BCAS3: variants seen among roughly 807,000 people sequenced by gnomAD.
BCAS3 encodes BCAS4/BCAS3 fusion.
BCAS3 carries 53 observed loss-of-function variants against 116.1 expected under a neutral mutation model. The observed-to-expected ratio is 0.46, with a 90% CI of 0.37 to 0.57. BCAS3 has a LOEUF of 0.57. Among genes scored for constraint, BCAS3 ranks in the 20% least tolerant of loss-of-function variants. The pLI is 0.00. For missense variants in BCAS3, 917 were observed against 1,165.4 expected, an observed-to-expected ratio of 0.79 and a Z score of 3.10; for synonymous variants, 391 against 408.2, an observed-to-expected ratio of 0.96 and a Z score of 0.51.
intron 6 of BCAS3, among the ~76,000 whole-genome samples, chr17:60,788,947 A>G (rs1223911088): frequency 6.6e-6 from 1 of 152,184 alleles, no homozygotes; most frequent in Non-Finnish European, 1.5e-5. Flanking sequence ...TTGAAAGCTC[A>G]CATTGAGTGA....
At chr17:61,331,254 G>A (rs548800493) in intron 22 of BCAS3, among the ~76,000 whole-genome samples, 1 of 152,282 alleles carries the variant, frequency 6.6e-6, no homozygotes, top group East Asian at 1.9e-4. Context: ...AGTTGCCAAA[G>A]GTTCCTGCTG....
chr17:61,010,344 G>C (rs1600444670), intron 15 of BCAS3, among the ~76,000 whole-genome samples: 1 of 151,912 alleles, frequency 6.6e-6, no homozygotes, highest in Non-Finnish European at 1.5e-5. Flanking sequence ...ATCACACCAT[G>C]TCATTCTCAT....
At chr17:61,110,901 C>T (rs942740948) in intron 22 of BCAS3, among the ~76,000 whole-genome samples, 14 of 152,314 alleles carry the variant, frequency 9.2e-5, no homozygotes, top group South Asian at 2.1e-4. Flanking sequence ...GATCTGAAAA[C>T]GGGCAGACTG....
rs1014267084 is a variant in BCAS3 at position 61,095,401 on chromosome 17, T to C, written c.2425+10837T>C. ...TTAAATTAGCTGATACATAATTGTA[T>C]TAAATGTTGATAGATATAGTACATA... On this transcript the variant is annotated intron_variant, in intron 22 of 23. Transcript: ENST00000407086. The surrounding 1 kb of genome is among the most constrained non-coding windows in gnomAD (Gnocchi z 4.7). Among the ~76,000 whole-genome samples, 3 of 152,232 alleles carry C rather than the reference T, an allele frequency of 2.0e-5. No homozygotes were observed. The highest frequency in any genetic ancestry group is 7.2e-5 in the African/African-American group (3 of 41,460).
intron 7 of BCAS3, among the ~76,000 whole-genome samples, chr17:60,853,950 T>C (rs544103900): frequency 1.9e-4 from 29 of 152,200 alleles, no homozygotes; most frequent in Non-Finnish European, 3.2e-4. Context: ...GTGCACAATG[T>C]GCAGGTTTGT....
At chr17:60,751,065 T>C (rs1461480437) in intron 6 of BCAS3, among the ~76,000 whole-genome samples, 1 of 152,182 alleles carries the variant, frequency 6.6e-6, no homozygotes, top group African/African-American at 2.4e-5. Context: ...GAATCCCCTT[T>C]CTAAAGGTAT....
At chr17:60,986,693 A>AT (rs1297934525) in intron 14 of BCAS3, among the ~76,000 whole-genome samples, 1 of 152,022 alleles carries the variant, frequency 6.6e-6, no homozygotes, top group African/African-American at 2.4e-5. Context: ...GGATTGTTAG[A>AT]TTTTTTCCTG....
At chr17:60,768,679 T>A (rs1020137973) in intron 6 of BCAS3, among the ~76,000 whole-genome samples, 4 of 152,180 alleles carry the variant, frequency 2.6e-5, no homozygotes, top group African/African-American at 9.7e-5. Context: ...CAGTTATTAG[T>A]GGAGGCTGTG....
intron 6 of BCAS3, among the ~76,000 whole-genome samples, chr17:60,783,709 A>T (rs1190771530): frequency 6.6e-6 from 1 of 152,192 alleles, no homozygotes; most frequent in Non-Finnish European, 1.5e-5. Flanking sequence ...TAGCTACATA[A>T]CAGTTTTCCC....
At chr17:61,342,041 C>T (rs1480470628) in intron 22 of BCAS3, among the ~76,000 whole-genome samples, 3 of 152,174 alleles carry the variant, frequency 2.0e-5, no homozygotes, top group African/African-American at 7.2e-5. Flanking sequence ...CTCAGTCTTT[C>T]GCCCAGGCTG....
chr17:60,788,353 G>A (rs1490454476), intron 6 of BCAS3, among the ~76,000 whole-genome samples: 1 of 152,132 alleles, frequency 6.6e-6, no homozygotes, highest in Non-Finnish European at 1.5e-5. Context: ...TGGAAGATTT[G>A]TGTTTGGTGC....
chr17:61,176,692 G>A (rs1333047375), intron 22 of BCAS3, among the ~76,000 whole-genome samples: 1 of 151,894 alleles, frequency 6.6e-6, no homozygotes, highest in Non-Finnish European at 1.5e-5. Flanking sequence ...CAAGTAGCTG[G>A]GACTACAGTC....
At chr17:60,999,632 G>A (rs538001566) in intron 15 of BCAS3, among the ~76,000 whole-genome samples, 4 of 151,866 alleles carry the variant, frequency 2.6e-5, no homozygotes, top group Admixed American at 6.6e-5. Flanking sequence ...TGGCTATTTG[G>A]GCTCTTTTTT....
rs2059567521 is a variant in BCAS3 at position 61,380,756 on chromosome 17, T to TCCTTCAC, written c.2594-11218_2594-11212dup. 6.6e-6 allele frequency among the ~76,000 whole-genome samples: 1 copy of TCCTTCAC among 152,114 alleles called. No individual in the cohort carries two copies. The highest frequency in any genetic ancestry group is 2.4e-5 in the African/African-American group (1 of 41,416). ...GGTTTGGGATGGGGAGTGGTTGTCA[T>TCCTTCAC]CCTTCACCCAACAAGAGTTTCTTTG... On this transcript the variant is annotated intron_variant, in intron 23 of 23. Transcript: ENST00000407086. This position sits in a 1 kb window ranked among gnomAD's most constrained non-coding sequence, Gnocchi z 4.2.
chr17:60,927,216 C>T (rs1044124454), intron 13 of BCAS3, among the ~76,000 whole-genome samples: 1 of 147,220 alleles, frequency 6.8e-6, no homozygotes, highest in Admixed American at 6.6e-5. Flanking sequence ...TTTTTAAATT[C>T]TTTTATTTAT....
At chr17:61,209,046 C>T (rs73991567) in intron 22 of BCAS3, among the ~76,000 whole-genome samples, 1 of 152,154 alleles carries the variant, frequency 6.6e-6, no homozygotes, top group African/African-American at 2.4e-5. Flanking sequence ...AAACAACCAG[C>T]TGTTCTCAGC....
At chr17:61,182,334 T>G (rs1018504741) in intron 22 of BCAS3, among the ~76,000 whole-genome samples, 4 of 151,906 alleles carry the variant, frequency 2.6e-5, no homozygotes, top group Admixed American at 2.6e-4. Context: ...GTGATAACGG[T>G]TTTTTTTAAC....
intron 22 of BCAS3, among the ~76,000 whole-genome samples, chr17:61,267,842 G>A (rs187648295): frequency 7.9e-5 from 12 of 152,114 alleles, no homozygotes; most frequent in East Asian, 1.9e-4. Flanking sequence ...CAACATGACC[G>A]TAGGGGAAGA....
chr17:60,968,561 G>T (rs1245731207), intron 14 of BCAS3, among the ~76,000 whole-genome samples: 2 of 151,852 alleles, frequency 1.3e-5, no homozygotes, highest in Non-Finnish European at 1.5e-5. Context: ...CAGCTAAGTT[G>T]TTGCCTTTTT....
Sources: allele counts gnomAD v4.1 joint callset (sites outside exome capture counted in the v4.1 genomes callset), GRCh38; gene constraint gnomAD v4.1.1; non-coding constraint Gnocchi (gnomAD v3.1); transcripts MANE v1.5; gene names NCBI Gene and HGNC (gene_info 2026-07-23, HGNC 2026-07-21).